The following THTPA variants were observed in gnomAD, a reference collection of about 807,000 sequenced individuals.
THTPA encodes the protein thiamine triphosphatase, also known as thiamine-triphosphatase.
A neutral mutation model predicts 16.5 loss-of-function variants in THTPA; 16 were observed. The ratio of observed to expected loss-of-function variants is 0.97; its 90% CI spans 0.66 to 1.47. The LOEUF (loss-of-function observed/expected upper bound fraction) is 1.47, where lower values mean the gene tolerates loss of function less well. Ranked by LOEUF, THTPA falls within the 40% of genes most tolerant of loss-of-function variation. The probability of loss-of-function intolerance (pLI) is 0.00; values close to 1 mark genes in which losing one functional copy is unlikely to be tolerated. For missense variants in THTPA, 281 were observed against 280.9 expected, an observed-to-expected ratio of 1.00 and a Z score of 0.00; for synonymous variants, 110 against 115.5, an observed-to-expected ratio of 0.95 and a Z score of 0.30.
chr14:23,535,181 CAG>C, the THTPA span: 1 of 1,533,096 alleles, frequency 6.5e-7, no homozygotes, highest in African/African-American at 1.4e-5. This position sits in a 1 kb window ranked among gnomAD's most constrained non-coding sequence, Gnocchi z 4.5. Flanking sequence ...CTCATGTTCT[CAG>C]AGGTGGAGGA....
Position 23,559,096 on chromosome 14 carries a change from G to T in THTPA, c.*256G>T. ...GCAGCCTCCATTGATTTCCGCTCGT[G>T]TTTATAGGATTTCCACTTAGCCGTG... On this transcript the variant is annotated 3_prime_UTR_variant, in exon 2 of 2. Transcript: ENST00000288014. 1 of 490,276 alleles carries T rather than the reference G, an allele frequency of 2.0e-6. No homozygotes were observed. The highest frequency in any genetic ancestry group is 3.7e-6 in the Non-Finnish European group (1 of 272,032). The allele number at this position is 490,276 out of a possible 1,614,324, so 30.4% of individuals were successfully genotyped here.
the THTPA span, chr14:23,524,367 G>A: frequency 5.9e-6 from 9 of 1,536,124 alleles, no homozygotes; most frequent in African/African-American, 2.7e-5. The surrounding 1 kb of genome is among the most constrained non-coding windows in gnomAD (Gnocchi z 5.6). Context: ...GTGCGCAGGC[G>A]CTTGTCCCTG....
chr14:23,519,831 A>G, the THTPA span, among the ~76,000 whole-genome samples: 1 of 152,306 alleles, frequency 6.6e-6, no homozygotes, highest in Non-Finnish European at 1.5e-5. Flanking sequence ...CCTAAATCCC[A>G]GGGCTGGCTG....
chr14:23,546,839 A>G, the THTPA span, among the ~76,000 whole-genome samples: 1 of 152,188 alleles, frequency 6.6e-6, no homozygotes, highest in Non-Finnish European at 1.5e-5. This position sits in a 1 kb window ranked among gnomAD's most constrained non-coding sequence, Gnocchi z 4.7. Context: ...GGTGGCTGAC[A>G]GTGCAACAGC....
At chr14:23,539,627 G>A in the THTPA span, among the ~76,000 whole-genome samples, 1 of 152,198 alleles carries the variant, frequency 6.6e-6, no homozygotes, top group South Asian at 2.1e-4. Flanking sequence ...GCCCCTCGCT[G>A]AAGAGGAGCC....
chr14:23,522,098 C>A, the THTPA span: 1 of 1,535,682 alleles, frequency 6.5e-7, no homozygotes, highest in South Asian at 1.2e-5. Context: ...GGGTGGGCCC[C>A]CTTGAGGTGG....
the THTPA span, among the ~76,000 whole-genome samples, chr14:23,538,645 C>T: frequency 1.3e-5 from 2 of 152,084 alleles, no homozygotes; most frequent in African/African-American, 2.4e-5. Context: ...CCTATCCCTG[C>T]GGACACATCT....
At chr14:23,558,635 G>A in intron 1 of THTPA, 60 bp from the exon 2 acceptor site, 1 of 1,603,532 alleles carries the variant, frequency 6.2e-7, no homozygotes, top group Non-Finnish European at 8.5e-7. Context: ...TGGGCAGGGA[G>A]CAGAGTCCAA....
the THTPA span, among the ~76,000 whole-genome samples, chr14:23,538,604 C>T: frequency 1.3e-5 from 2 of 152,200 alleles, no homozygotes; most frequent in African/African-American, 4.8e-5. Context: ...CCATTCTTCC[C>T]TTTAGTTCCT....
chr14:23,535,427 G>T, the THTPA span: 1 of 1,371,086 alleles, frequency 7.3e-7, no homozygotes, highest in Non-Finnish European at 9.5e-7. This position sits in a 1 kb window ranked among gnomAD's most constrained non-coding sequence, Gnocchi z 4.5. Context: ...GACCCCAGCT[G>T]GGCAGCTGGA....
At chr14:23,556,030 C>T (rs1186853849), upstream of THTPA, 5 of 152,322 alleles carry the variant, frequency 3.3e-5, no homozygotes, top group Non-Finnish European at 7.3e-5. Context: ...CAGCCTCAGG[C>T]ATGAGACCTG....
chr14:23,524,951 C>T, the THTPA span: 1 of 1,536,280 alleles, frequency 6.5e-7, no homozygotes, highest in African/African-American at 1.4e-5. This position sits in a 1 kb window ranked among gnomAD's most constrained non-coding sequence, Gnocchi z 5.6. Context: ...CCCAGTGCCT[C>T]CTCCGGTTGG....
chr14:23,532,743 C>G, the THTPA span: 25 of 1,535,990 alleles, frequency 1.6e-5, 1 homozygote, highest in Non-Finnish European at 2.2e-5. Flanking sequence ...GCTCCACCCC[C>G]CTCCCGCAGG....
chr14:23,541,413 A>G, the THTPA span, among the ~76,000 whole-genome samples: 1 of 150,050 alleles, frequency 6.7e-6, no homozygotes, highest in Admixed American at 6.6e-5. Context: ...TCAGCCTCCC[A>G]AGTAGCTGAG....
the THTPA span, chr14:23,523,609 G>A: frequency 6.4e-7 from 1 of 1,556,812 alleles, no homozygotes; most frequent in South Asian, 1.2e-5. The surrounding 1 kb of genome is among the most constrained non-coding windows in gnomAD (Gnocchi z 4.1). Flanking sequence ...TCTGGAACCA[G>A]ACCTGGATGA....
the THTPA span, chr14:23,525,122 G>A: frequency 2.0e-6 from 3 of 1,536,190 alleles, no homozygotes; most frequent in Non-Finnish European, 1.7e-6. The surrounding 1 kb of genome is among the most constrained non-coding windows in gnomAD (Gnocchi z 5.9). Flanking sequence ...CAGGGCTTGG[G>A]TCTGGAACTC....
the THTPA span, chr14:23,533,037 G>A: frequency 1.3e-6 from 2 of 1,535,590 alleles, no homozygotes; most frequent in Non-Finnish European, 1.7e-6. This position sits in a 1 kb window ranked among gnomAD's most constrained non-coding sequence, Gnocchi z 4.8. Flanking sequence ...GAGGAACCCA[G>A]GAGCTGACTT....
the THTPA span, chr14:23,513,387 G>A: frequency 6.6e-6 from 1 of 152,580 alleles, no homozygotes; most frequent in South Asian, 2.1e-4. Context: ...TGGCACTCAT[G>A]GGGCCGTGTG....
chr14:23,531,499 C>T, the THTPA span: 21 of 1,435,276 alleles, frequency 1.5e-5, no homozygotes, highest in East Asian at 1.6e-4. Context: ...CGGAGCTGCC[C>T]GTGGCTGAAG....
Sources: gnomAD v4.1 joint callset for allele counts (sites outside exome capture counted in the v4.1 genomes callset) on GRCh38, gnomAD v4.1.1 for gene constraint, Gnocchi (gnomAD v3.1) non-coding constraint, MANE v1.5 for transcripts, NCBI Gene and HGNC (gene_info 2026-07-23, HGNC 2026-07-21) for gene names.